Variants in GPR153 observed in about 807,000 individuals in gnomAD.
GPR153 encodes the protein G protein-coupled receptor 153, also known as probable G protein-coupled receptor 153.
Under a neutral mutation model 34.1 loss-of-function variants are expected in GPR153, and 27 were observed. That is an observed-to-expected ratio of 0.79 (90% confidence interval 0.58 to 1.09). The LOEUF (loss-of-function observed/expected upper bound fraction) is 1.09, where lower values mean the gene tolerates loss of function less well. Among genes scored for constraint, GPR153 ranks in the 50% least tolerant of loss-of-function variants. The pLI, the probability that GPR153 is intolerant of heterozygous loss-of-function variation, is 0.00. For synonymous variants in GPR153, 408 were observed against 405.4 expected, an observed-to-expected ratio of 1.01 and a Z score of -0.08; for missense variants, 848 against 860.2, an observed-to-expected ratio of 0.99 and a Z score of 0.18.
chr1:6,252,855 C>T (rs1246973755), intron 3 of GPR153, among the ~76,000 whole-genome samples: 2 of 152,184 alleles, frequency 1.3e-5, no homozygotes, highest in East Asian at 2.0e-4. Flanking sequence ...CCCCAGGCAG[C>T]CCCTCTGGAC....
intron 3 of GPR153, among the ~76,000 whole-genome samples, chr1:6,252,064 T>C (rs1638460312): frequency 6.6e-6 from 1 of 152,198 alleles, no homozygotes. Flanking sequence ...TCCTCAGCCC[T>C]ACCCCTGCTT....
At chr1:6,252,371 C>A (rs2281261) in intron 3 of GPR153, among the ~76,000 whole-genome samples, 1 of 151,932 alleles carries the variant, frequency 6.6e-6, no homozygotes, top group Non-Finnish European at 1.5e-5. Flanking sequence ...CCGTAAGAGA[C>A]GCAGGGGTGG....
intron 1 of GPR153, among the ~76,000 whole-genome samples, chr1:6,257,771 A>G (rs11576445): frequency 0.61 from 92,359 of 152,118 alleles, 29,507 homozygotes; most frequent in Admixed American, 0.72. Flanking sequence ...GCGGGGAAGC[A>G]CCCATCCTGC....
At chr1:6,260,137 G>A (rs778789563) in intron 1 of GPR153, among the ~76,000 whole-genome samples, 15 of 152,136 alleles carry the variant, frequency 9.9e-5, no homozygotes, top group Non-Finnish European at 2.2e-4. Flanking sequence ...ATGAGGCCGC[G>A]CGGCCCCGAG....
At chr1:6,256,389 TAGA>T (rs1341565286) in intron 1 of GPR153, among the ~76,000 whole-genome samples, 1 of 150,532 alleles carries the variant, frequency 6.6e-6, no homozygotes, top group African/African-American at 2.4e-5. Flanking sequence ...TTTTTTTTTT[TAGA>T]CAGAGTCTTG....
intron 1 of GPR153, among the ~76,000 whole-genome samples, chr1:6,258,364 G>A (rs777081706): frequency 6.6e-6 from 1 of 152,166 alleles, no homozygotes; most frequent in Non-Finnish European, 1.5e-5. Flanking sequence ...CCTGACCTCA[G>A]GTGATCCACC....
rs1437521616 is a variant in GPR153, at chr1:6,249,707, G to T, written c.1461C>A (p.Pro487=). 3 of 1,034,448 alleles carry T rather than the reference G, an allele frequency of 2.9e-6. No homozygotes were observed. Among genetic ancestry groups the T allele is most frequent in the South Asian group, 8.8e-5 (2 of 22,644 alleles). 64.1% of individuals were successfully genotyped at this position (1,034,448 alleles called of 1,614,324 possible). ...DSPPGSPRRR[P]GPGPRSASAS... is the part of the protein sequence containing the mutation. ...CCGAGGCGGAGCGGGGGCCGGGCCC[G>T]GGGCGGCGGCGCGGGCTGCCGGGGG... The change falls in exon 6 of 6, where the codon CCC becomes CCA. Residue 487 remains proline, a synonymous_variant. Transcript: ENST00000377893. This position sits in a 1 kb window ranked among gnomAD's most constrained non-coding sequence, Gnocchi z 4.3.
In GPR153 at chr1:6,254,912, G is replaced by C; in HGVS notation, c.-7C>G. The C allele has an allele frequency of 6.6e-7, 1 of 1,526,650 alleles. No individual in the cohort carries two copies. The highest frequency in any genetic ancestry group is 8.8e-7 in the Non-Finnish European group (1 of 1,136,908). 94.6% of individuals were successfully genotyped at this position (1,526,650 alleles called of 1,614,324 possible). A position where few individuals can be genotyped will look rare whatever the true frequency, so the allele number is the denominator to read the frequency against. On this transcript the variant is annotated 5_prime_UTR_variant, in exon 2 of 6. Coordinates refer to ENST00000377893, the MANE Select transcript of GPR153 (RefSeq NM_207370.4). ...GCCGCCGCTCATCACTCATGGTGCAGACCGGAGCTGGCAGGCGGCTGTGGC... is the reference window on the plus strand; with the variant it reads ...GCCGCCGCTCATCACTCATGGTGCACACCGGAGCTGGCAGGCGGCTGTGGC...
chr1:6,259,051 G>A (rs545075891), intron 1 of GPR153, among the ~76,000 whole-genome samples: 7 of 152,304 alleles, frequency 4.6e-5, no homozygotes, highest in East Asian at 3.9e-4. Context: ...GCTTGAGCCC[G>A]GGAGTTCGAG....
intron 1 of GPR153, among the ~76,000 whole-genome samples, chr1:6,255,651 T>TTTTTG (rs1557615289): frequency 1.6e-5 from 2 of 124,390 alleles, no homozygotes; most frequent in African/African-American, 7.1e-5. Context: ...CGTTTTTTTT[T>TTTTTG]TTTTTTTTTT....
Position 6,254,827 on chromosome 1 carries a change from AGGCATT to A in GPR153, c.73_78del (p.Asn25_Ala26del). Reference sequence around the variant, plus strand: ...TTGGCGCCAACGCTGAGGATGCCCCAGGCATTGGCCAGCAGGGAGAGGCCCCCACAT... The same window carrying A: ...TTGGCGCCAACGCTGAGGATGCCCCAGGCCAGCAGGGAGAGGCCCCCACAT... On this transcript the variant is annotated inframe_deletion, in exon 2 of 6. Transcript: ENST00000377893. 6.2e-7 allele frequency: 1 copy of A among 1,612,108 alleles called. No individual in the cohort carries two copies. The highest frequency in any genetic ancestry group is 1.7e-5 in the Admixed American group (1 of 59,962).
chr1:6,251,354 G>T lies in GPR153; in HGVS notation c.963C>A (p.Asp321Glu). ...REKCMALMAN[D>E]EESDDETSLE... is the part of the protein sequence containing the mutation. The stretch of plus-strand genomic sequence containing the variant: ...CATCCTCACCATCGTCTGACTCCTC[G>T]TCGTTGGCCATGAGGGCCATGCACT... The change falls in exon 4 of 6, where the codon GAC becomes GAA. Residue 321 changes from aspartate to glutamate, a missense_variant. Asp to Glu is a conservative substitution (Grantham distance 45). Transcript: ENST00000377893. This position sits in a 1 kb window ranked among gnomAD's most constrained non-coding sequence, Gnocchi z 4.9. 6.2e-7 allele frequency: 1 copy of T among 1,607,500 alleles called. No individual in the cohort carries two copies. The highest frequency in any genetic ancestry group is 8.5e-7 in the Non-Finnish European group (1 of 1,175,804).
rs1023669213 is a variant in GPR153, at chr1:6,260,809, G to C, written c.-110+16C>G. On this transcript the variant is annotated intron_variant, in intron 1 of 5. Coordinates refer to ENST00000377893, the MANE Select transcript of GPR153 (RefSeq NM_207370.4). ...CTCCCGTCCGTCCGCCCTCGGGCCA[G>C]GGCGGCGACGCTCACCCTGCATTCG... 6.6e-6 allele frequency: 1 copy of C among 151,426 alleles called. No individual in the cohort carries two copies. The highest frequency in any genetic ancestry group is 2.4e-5 in the African/African-American group (1 of 41,282). The allele number at this position is 151,426 out of a possible 1,614,324, so 9.4% of individuals were successfully genotyped here.
intron 1 of GPR153, among the ~76,000 whole-genome samples, chr1:6,255,657 T>TG (rs1638554145): frequency 1.5e-5 from 2 of 137,060 alleles, no homozygotes; most frequent in African/African-American, 5.4e-5. Flanking sequence ...TTTTTTTTTT[T>TG]TTTTTTTTTT....
At chr1:6,258,169 TTTACTC>T (rs1638602670) in intron 1 of GPR153, among the ~76,000 whole-genome samples, 1 of 152,050 alleles carries the variant, frequency 6.6e-6, no homozygotes, top group Non-Finnish European at 1.5e-5. Flanking sequence ...GAGATGGAGT[TTTACTC>T]TTATTACCCA....
At chr1:6,256,830 C>T (rs112769814) in intron 1 of GPR153, among the ~76,000 whole-genome samples, 34 of 152,154 alleles carry the variant, frequency 2.2e-4, no homozygotes, top group African/African-American at 8.2e-4. Context: ...TCATGAGTTA[C>T]TGCGTCTTAA....
chr1:6,255,642 G>GC (rs1476167661), intron 1 of GPR153, among the ~76,000 whole-genome samples: 5 of 38,840 alleles, frequency 1.3e-4, no homozygotes, highest in African/African-American at 4.8e-4. Flanking sequence ...GCCTGGCTAC[G>GC]TTTTTTTTTT....
intron 1 of GPR153, among the ~76,000 whole-genome samples, chr1:6,258,932 G>A (rs769778400): frequency 1.3e-5 from 2 of 152,200 alleles, no homozygotes; most frequent in Non-Finnish European, 2.9e-5. Flanking sequence ...TCTTCCTCTC[G>A]TCTAGCCTAA....
At chr1:6,250,148 T>A (rs1638409257) in intron 5 of GPR153, 145 bp from the exon 6 acceptor site, 1 of 1,361,826 alleles carries the variant, frequency 7.3e-7, no homozygotes, top group African/African-American at 1.5e-5. Flanking sequence ...TGAGGTTTGG[T>A]GCAGTCTCTT....
Sources: gnomAD v4.1 joint callset for allele counts (sites outside exome capture counted in the v4.1 genomes callset) on GRCh38, gnomAD v4.1.1 for gene constraint, Gnocchi (gnomAD v3.1) non-coding constraint, MANE v1.5 for transcripts, NCBI Gene and HGNC (gene_info 2026-07-23, HGNC 2026-07-21) for gene names.